The following HIPK2 variants were observed in gnomAD, a reference collection of about 807,000 sequenced individuals.
The protein encoded by HIPK2 is homeodomain interacting protein kinase 2.
In HIPK2, 27 loss-of-function variants were observed where a neutral mutation model predicts 113.7. The ratio of observed to expected loss-of-function variants is 0.24; its 90% CI spans 0.17 to 0.33. The LOEUF is 0.33. Ranked by LOEUF, HIPK2 falls within the 10% of genes least tolerant of loss-of-function variation. The pLI is 1.00. For missense variants in HIPK2, 1,257 were observed against 1,588.0 expected, an observed-to-expected ratio of 0.79 and a Z score of 3.54; for synonymous variants, 631 against 642.2, an observed-to-expected ratio of 0.98 and a Z score of 0.26.
In HIPK2 at chr7:139,604,293, T is replaced by C; in HGVS notation, c.2113-70A>G. The C allele has an allele frequency of 1.9e-6, 3 of 1,544,012 alleles. No homozygotes were observed. The South Asian group carries it at 3.7e-5, about 19-fold the overall frequency. On this transcript the variant is annotated intron_variant, in intron 9 of 14. Coordinates refer to ENST00000406875, the MANE Select transcript of HIPK2 (RefSeq NM_022740.5). The stretch of plus-strand genomic sequence containing the variant: ...ATAATTGATTTGCATGAACCCACAC[T>C]TATTCTGTGCCTGGGGTTGTGCTAG...
chr7:139,565,740 G>A lies in HIPK2; in HGVS notation c.*7187C>T, dbSNP rs1453269158. 2.2e-5 allele frequency: 3 copies of A among 136,826 alleles called. No individual in the cohort carries two copies. Among genetic ancestry groups the A allele is most frequent in the African/African-American group, 8.3e-5 (3 of 36,324 alleles). 8.5% of individuals were successfully genotyped at this position (136,826 alleles called of 1,614,324 possible). ...TCTTTTTTTTTTCTTTTTTTTAACA[G>A]AAAGAAAAAAGTTCCTGGACACCAG... is the stretch of plus-strand genomic sequence containing the variant. On this transcript the variant is annotated 3_prime_UTR_variant, in exon 15 of 15. Coordinates refer to ENST00000406875, the MANE Select transcript of HIPK2 (RefSeq NM_022740.5).
At chr7:139,769,646 T>C (rs1338674762) in intron 1 of HIPK2, among the ~76,000 whole-genome samples, 4 of 152,246 alleles carry the variant, frequency 2.6e-5, no homozygotes, top group African/African-American at 7.2e-5. Flanking sequence ...CTGTTGTCTC[T>C]TTCTATAGGA....
At position 139,626,838 on chromosome 7, in the gene HIPK2, C is replaced by T. The variant is rs1461057897; in HGVS notation, c.1435-53G>A. On this transcript the variant is annotated intron_variant, in intron 5 of 14. Transcript: ENST00000406875. ...AGGAAGACCCCAGCGTGCCTCCCCTCTCCTGGCTCCCCTTATTTTTTGCCC... is the reference window on the plus strand; with the variant it reads ...AGGAAGACCCCAGCGTGCCTCCCCTTTCCTGGCTCCCCTTATTTTTTGCCC... The T allele has an allele frequency of 6.3e-6, 10 of 1,597,952 alleles. No individual in the cohort carries two copies. The East Asian group carries it at 2.2e-4, about 36-fold the overall frequency.
chr7:139,568,428 C>T lies in HIPK2; in HGVS notation c.*4499G>A, dbSNP rs1798160928. 1 of 152,338 alleles carries T rather than the reference C, an allele frequency of 6.6e-6. No homozygotes were observed. Among genetic ancestry groups the T allele is most frequent in the Admixed American group, 6.5e-5 (1 of 15,286 alleles). 9.4% of individuals were successfully genotyped at this position (152,338 alleles called of 1,614,324 possible). A position where few individuals can be genotyped will look rare whatever the true frequency, so the allele number is the denominator to read the frequency against. On this transcript the variant is annotated 3_prime_UTR_variant, in exon 15 of 15. Coordinates refer to ENST00000406875, the MANE Select transcript of HIPK2 (RefSeq NM_022740.5). ...CTCACCCACTTCCCTTGGAAACATC[C>T]AAAACATCATGAAGAGGCCCTAAGC...
At chr7:139,748,917 G>A (rs1796235427) in intron 1 of HIPK2, among the ~76,000 whole-genome samples, 1 of 152,148 alleles carries the variant, frequency 6.6e-6, no homozygotes, top group Non-Finnish European at 1.5e-5. Context: ...AGCTTTGTGG[G>A]AGCAGCTGGT....
chr7:139,594,880 T>C (rs992035024), intron 12 of HIPK2, among the ~76,000 whole-genome samples: 7 of 152,176 alleles, frequency 4.6e-5, no homozygotes, highest in Non-Finnish European at 1.0e-4. Context: ...CCAGGTTTCT[T>C]TGAGTTGTTC....
chr7:139,625,572 C>T (rs977115694), intron 6 of HIPK2, among the ~76,000 whole-genome samples: 4 of 152,228 alleles, frequency 2.6e-5, no homozygotes, highest in African/African-American at 9.6e-5. Flanking sequence ...CATGGTCCTG[C>T]CCATGGGGGA....
chr7:139,737,884 C>T (rs1262717474), intron 1 of HIPK2, among the ~76,000 whole-genome samples: 1 of 152,222 alleles, frequency 6.6e-6, no homozygotes, highest in Non-Finnish European at 1.5e-5. Flanking sequence ...TGCTCACAGA[C>T]CAAATGTCAG....
chr7:139,658,952 C>T (rs749415397), intron 2 of HIPK2, among the ~76,000 whole-genome samples: 5 of 152,144 alleles, frequency 3.3e-5, no homozygotes, highest in Admixed American at 1.3e-4. Flanking sequence ...GGAGAGGAGT[C>T]GATTCACTAC....
intron 2 of HIPK2, among the ~76,000 whole-genome samples, chr7:139,703,698 A>G (rs1794779418): frequency 6.5e-4 from 1 of 1,544 alleles, no homozygotes; most frequent in East Asian, 0.02. Flanking sequence ...CACCCAACAC[A>G]TACACCCCTC....
At chr7:139,757,075 T>C (rs1325152444) in intron 1 of HIPK2, among the ~76,000 whole-genome samples, 1 of 152,158 alleles carries the variant, frequency 6.6e-6, no homozygotes, top group Admixed American at 6.5e-5. Context: ...TAGTTTTCAA[T>C]AACAATTAGA....
At chr7:139,655,510 T>A (rs750324775) in intron 2 of HIPK2, among the ~76,000 whole-genome samples, 1 of 152,208 alleles carries the variant, frequency 6.6e-6, no homozygotes, top group Admixed American at 6.5e-5. Flanking sequence ...TTTCCGCTTA[T>A]CCGACGTGGC....
At position 139,777,607 on chromosome 7, in the gene HIPK2, T is replaced by G. The variant is rs2117200553; in HGVS notation, c.17A>C (p.Glu6Ala). 1 of 1,065,664 alleles carries G rather than the reference T, an allele frequency of 9.4e-7. No individual in the cohort carries two copies. The highest frequency in any genetic ancestry group is 1.1e-6 in the Non-Finnish European group (1 of 880,654). 66.0% of individuals were successfully genotyped at this position (1,065,664 alleles called of 1,614,324 possible). Residue 6 changes from glutamate (E) to alanine (A), a missense_variant and splice_region_variant, in exon 1 of 15, where the codon GAA (glutamate) becomes GCA (alanine). This residue lies in a region of HIPK2 where 209 missense variants were observed against 237.8 expected (regional missense o/e 0.88). Transcript: ENST00000406875. ...CGGCGGGGCCGGGCGCCCCTTACCT[T>G]CGTACACGGGGGCCATCGGGGCCGG... MAPVY[E>A]GMASHVQVFS...
intron 1 of HIPK2, among the ~76,000 whole-genome samples, chr7:139,746,477 C>T (rs1003647864): frequency 6.6e-6 from 1 of 152,198 alleles, no homozygotes; most frequent in African/African-American, 2.4e-5. Context: ...TTGGAAAAGA[C>T]AGCGACTGTG....
chr7:139,579,213 G>A (rs1282683758), intron 13 of HIPK2, among the ~76,000 whole-genome samples: 1 of 152,150 alleles, frequency 6.6e-6, no homozygotes. Flanking sequence ...GTGTTCAAAG[G>A]ACGAATCAGG....
intron 1 of HIPK2, among the ~76,000 whole-genome samples, chr7:139,748,356 C>A (rs1268531212): frequency 6.6e-6 from 1 of 152,002 alleles, no homozygotes; most frequent in East Asian, 1.9e-4. Flanking sequence ...CTTTATTTGG[C>A]CTAGTATAAC....
intron 13 of HIPK2, among the ~76,000 whole-genome samples, chr7:139,579,291 C>T (rs964480723): frequency 3.3e-5 from 5 of 152,156 alleles, no homozygotes; most frequent in African/African-American, 1.2e-4. Flanking sequence ...CAGATCTACA[C>T]CTCACGTTCA....
intron 2 of HIPK2, among the ~76,000 whole-genome samples, chr7:139,645,595 C>T (rs377012716): frequency 4.6e-5 from 7 of 152,236 alleles, no homozygotes; most frequent in East Asian, 1.9e-4. Context: ...TACTCCTGGC[C>T]GATGGAGTAG....
intron 12 of HIPK2, among the ~76,000 whole-genome samples, chr7:139,594,176 C>G (rs986242910): frequency 1.3e-5 from 2 of 152,176 alleles, no homozygotes; most frequent in African/African-American, 2.4e-5. Context: ...TCAAAGCCCC[C>G]CTCCCCTGCT....
Sources: gnomAD v4.1 joint callset for allele counts (sites outside exome capture counted in the v4.1 genomes callset) on GRCh38, gnomAD v4.1.1 for gene constraint, gnomAD v4.1.1 regional missense constraint, MANE v1.5 for transcripts, NCBI Gene and HGNC (gene_info 2026-07-23, HGNC 2026-07-21) for gene names.